ASAP1: variants seen among roughly 807,000 people sequenced by gnomAD.
ASAP1 encodes arf-GAP with SH3 domain, ANK repeat and PH domain-containing protein 1.
ASAP1 carries 43 observed loss-of-function variants against 145.2 expected under a neutral mutation model. The ratio of observed to expected loss-of-function variants is 0.30; its 90% CI spans 0.23 to 0.38. The LOEUF is 0.38. ASAP1 is among the 10% of genes least tolerant of loss of function. ASAP1 has a pLI of 1.00. For synonymous variants in ASAP1, 546 were observed against 515.5 expected (o/e 1.06, Z -0.80); for missense variants, 1,018 against 1,355.3 (o/e 0.75, Z 3.91).
intron 4 of ASAP1, among the ~76,000 whole-genome samples, chr8:130,218,100 C>T (rs1472880806): frequency 6.6e-6 from 1 of 152,108 alleles, no homozygotes; most frequent in Non-Finnish European, 1.5e-5. Flanking sequence ...ACGAGCTCAA[C>T]CGAGAAGACA....
chr8:130,085,734 T>TA (rs1330939171), intron 25 of ASAP1, among the ~76,000 whole-genome samples: 2 of 45,396 alleles, frequency 4.4e-5, no homozygotes, highest in African/African-American at 1.5e-4. Flanking sequence ...GACGTTGTCT[T>TA]TAAGAAAAAA....
intron 1 of ASAP1, among the ~76,000 whole-genome samples, chr8:130,431,848 G>A (rs983608237): frequency 1.4e-5 from 2 of 144,564 alleles, no homozygotes; most frequent in African/African-American, 5.2e-5. Flanking sequence ...GGAAGAAGAC[G>A]AGGAAAGGAG....
intron 2 of ASAP1, among the ~76,000 whole-genome samples, chr8:130,392,703 CA>C (rs1287265540): frequency 6.6e-6 from 1 of 152,062 alleles, no homozygotes; most frequent in Non-Finnish European, 1.5e-5. Flanking sequence ...CACAAGAAGC[CA>C]GCACCTGCTT....
At chr8:130,210,325 G>A (rs780075345) in intron 5 of ASAP1, among the ~76,000 whole-genome samples, 15 of 152,276 alleles carry the variant, frequency 9.9e-5, no homozygotes, top group Admixed American at 5.9e-4. Context: ...CATAAAAATA[G>A]ATTTTTAAAG....
At chr8:130,324,828 T>C (rs1824223895) in intron 3 of ASAP1, among the ~76,000 whole-genome samples, 1 of 152,156 alleles carries the variant, frequency 6.6e-6, no homozygotes, top group African/African-American at 2.4e-5. Context: ...AGCACCTCTT[T>C]TGAAAAGCAA....
intron 3 of ASAP1, among the ~76,000 whole-genome samples, chr8:130,307,161 C>T (rs560576174): frequency 1.1e-4 from 17 of 151,948 alleles, no homozygotes; most frequent in African/African-American, 3.9e-4. Flanking sequence ...TTATCTGTCT[C>T]CCTCTACAAT....
intron 3 of ASAP1, among the ~76,000 whole-genome samples, chr8:130,305,831 C>T (rs1007176375): frequency 1.6e-4 from 24 of 152,144 alleles, no homozygotes; most frequent in African/African-American, 4.8e-4. Flanking sequence ...ACTTTACTAC[C>T]AGCTGTTTCA....
intron 5 of ASAP1, among the ~76,000 whole-genome samples, chr8:130,193,539 A>T (rs1048679812): frequency 6.6e-6 from 1 of 152,308 alleles, no homozygotes; most frequent in South Asian, 2.1e-4. Flanking sequence ...AAAAAATTGT[A>T]ATATGTAATA....
chr8:130,251,374 A>T (rs968677633), intron 3 of ASAP1, among the ~76,000 whole-genome samples: 1 of 152,134 alleles, frequency 6.6e-6, no homozygotes, highest in African/African-American at 2.4e-5. Flanking sequence ...GATGAGGTAG[A>T]GCCACTGCTC....
Position 130,165,402 on chromosome 8 carries a change from G to A in ASAP1, c.909+2134C>T, listed in dbSNP as rs190654396. Among the ~76,000 whole-genome samples the A allele has an allele frequency of 3.1e-3, 478 of 152,134 alleles. 2 individuals carry two copies. Among genetic ancestry groups the A allele is most frequent in the Non-Finnish European group, 4.4e-3 (297 of 67,986 alleles). On this transcript the variant is annotated intron_variant, in intron 11 of 29. Coordinates refer to ENST00000518721, the MANE Select transcript of ASAP1 (RefSeq NM_018482.4). ...TCCCAAGACTGAAATCTACCACCCCGTACTCCCTTCTACCTGGGTCTTTTT... is the reference window on the plus strand; with the variant it reads ...TCCCAAGACTGAAATCTACCACCCCATACTCCCTTCTACCTGGGTCTTTTT...
chr8:130,248,157 C>T (rs182360165), intron 3 of ASAP1, among the ~76,000 whole-genome samples: 1 of 152,146 alleles, frequency 6.6e-6, no homozygotes, highest in Non-Finnish European at 1.5e-5. Context: ...ATTTCTAATC[C>T]TAACTCTGGC....
intron 13 of ASAP1, among the ~76,000 whole-genome samples, chr8:130,145,343 A>G (rs2135899153): frequency 6.6e-6 from 1 of 152,250 alleles, no homozygotes; most frequent in African/African-American, 2.4e-5. Context: ...TTTTAGACGG[A>G]GTCTCGCTCT....
chr8:130,159,172 G>A (rs1232352725), intron 12 of ASAP1, among the ~76,000 whole-genome samples: 1 of 152,186 alleles, frequency 6.6e-6, no homozygotes, highest in African/African-American at 2.4e-5. Flanking sequence ...CCTAGAGCAG[G>A]GGCTGAGGGG....
chr8:130,403,301 T>TTTAAA (rs60441663), intron 1 of ASAP1, among the ~76,000 whole-genome samples: 157 of 151,092 alleles, frequency 1.0e-3, no homozygotes, highest in African/African-American at 3.5e-3. Context: ...TGTTTTTTTT[T>TTTAAA]AAAAAACCCA....
intron 27 of ASAP1, among the ~76,000 whole-genome samples, chr8:130,061,278 C>T (rs1288280429): frequency 2.0e-5 from 3 of 151,894 alleles, no homozygotes; most frequent in Non-Finnish European, 4.4e-5. Context: ...TTTTATGCTT[C>T]AATTATATAA....
chr8:130,388,106 A>G (rs964499432), intron 2 of ASAP1, among the ~76,000 whole-genome samples: 1 of 152,190 alleles, frequency 6.6e-6, no homozygotes, highest in African/African-American at 2.4e-5. Context: ...GGAGTGGGGG[A>G]CAGGAGGTAC....
chr8:130,344,329 G>A (rs764525610), intron 3 of ASAP1, among the ~76,000 whole-genome samples: 4 of 152,020 alleles, frequency 2.6e-5, no homozygotes, highest in Non-Finnish European at 5.9e-5. Context: ...AATATTTAAT[G>A]ACACCGAGGA....
At position 130,112,183 on chromosome 8, in the gene ASAP1, G is replaced by A; in HGVS notation, c.2312C>T (p.Thr771Ile). 2 of 1,614,156 alleles carry A rather than the reference G, an allele frequency of 1.2e-6. No homozygotes were observed. The highest frequency in any genetic ancestry group is 1.7e-6 in the Non-Finnish European group (2 of 1,180,018). ...DKQRLSYGAF[T>I]NQIFVSTSTD... ...GCTTGTGGAAACGAAGATCTGGTTGGTGAAGGCTCCATAGGAGAGCCGCTG... is the reference window on the plus strand; with the variant it reads ...GCTTGTGGAAACGAAGATCTGGTTGATGAAGGCTCCATAGGAGAGCCGCTG... The change falls in exon 24 of 30, where the codon ACC becomes ATC. Residue 771 changes from threonine (T) to isoleucine (I), a missense_variant. By Grantham distance (89) the Thr-to-Ile change is moderately conservative (BLOSUM62 -1). This residue lies in a region of ASAP1 where 353 missense variants were observed against 375.4 expected (regional missense o/e 0.94). Transcript: ENST00000518721.
In ASAP1 at chr8:130,362,316, C is replaced by T. The variant is rs556469505; in HGVS notation, c.60-4173G>A. Among the ~76,000 whole-genome samples, 4 of 152,118 alleles carry T rather than the reference C, an allele frequency of 2.6e-5. No homozygotes were observed. The South Asian group carries it at 6.2e-4, about 24-fold the overall frequency. Reference sequence around the variant, plus strand: ...AGCTTTGATCCACAGTGTTAGCCAGCGACAGCATTCATCACAGGCTCCCGA... The same window carrying T: ...AGCTTTGATCCACAGTGTTAGCCAGTGACAGCATTCATCACAGGCTCCCGA... On this transcript the variant is annotated intron_variant, in intron 2 of 29. Coordinates refer to ENST00000518721, the MANE Select transcript of ASAP1 (RefSeq NM_018482.4).
Sources: gnomAD v4.1 joint callset for allele counts (sites outside exome capture counted in the v4.1 genomes callset) on GRCh38, gnomAD v4.1.1 for gene constraint, gnomAD v4.1.1 regional missense constraint, MANE v1.5 for transcripts, NCBI Gene and HGNC (gene_info 2026-07-23, HGNC 2026-07-21) for gene names.